EYS: variants seen among roughly 807,000 people sequenced by gnomAD.
The protein encoded by EYS is EGF-like photoreceptor maintenance factor.
In EYS, 250 loss-of-function variants were observed where a neutral mutation model predicts 282.1. That is an observed-to-expected ratio of 0.89 (90% CI 0.80 to 0.98). The LOEUF (loss-of-function observed/expected upper bound fraction) is 0.98. Among genes scored for constraint, EYS ranks in the 50% least tolerant of loss-of-function variants. The probability of loss-of-function intolerance (pLI) is 0.00; values close to 1 mark genes in which losing one functional copy is unlikely to be tolerated. For synonymous variants in EYS, 1,355 were observed against 1,282.9 expected, an observed-to-expected ratio of 1.06 and a Z score of -1.20; for missense variants, 4,016 against 3,709.0, an observed-to-expected ratio of 1.08 and a Z score of -2.15.
chr6:63,897,884 G>C (rs1232069002), intron 35 of EYS, among the ~76,000 whole-genome samples: 1 of 152,166 alleles, frequency 6.6e-6, no homozygotes, highest in Admixed American at 6.5e-5. Context: ...GGAGCCAGCA[G>C]AGATTGTAAA....
At chr6:64,922,580 G>A (rs1195254338) in intron 15 of EYS, among the ~76,000 whole-genome samples, 1 of 152,132 alleles carries the variant, frequency 6.6e-6, no homozygotes, top group Non-Finnish European at 1.5e-5. Context: ...TTAATAAAAT[G>A]AGAGGAATCC....
chr6:64,447,092 T>A (rs923725931), intron 26 of EYS, among the ~76,000 whole-genome samples: 1 of 152,018 alleles, frequency 6.6e-6, no homozygotes, highest in African/African-American at 2.4e-5. Flanking sequence ...TATTGAAAGA[T>A]TTACTATGCT....
At chr6:65,116,351 G>T (rs1250612439) in intron 12 of EYS, among the ~76,000 whole-genome samples, 3 of 152,092 alleles carry the variant, frequency 2.0e-5, no homozygotes, top group Non-Finnish European at 4.4e-5. Flanking sequence ...TAGTACTCTG[G>T]AAAGTGAGGC....
intron 2 of EYS, among the ~76,000 whole-genome samples, chr6:65,564,727 G>A (rs114049063): frequency 0.036 from 5,487 of 151,916 alleles, 264 homozygotes; most frequent in African/African-American, 0.11. Flanking sequence ...AAGACTTCAC[G>A]ACTTTTAAAA....
intron 24 of EYS, among the ~76,000 whole-genome samples, chr6:64,603,794 T>C (rs1340070812): frequency 2.0e-5 from 3 of 150,778 alleles, no homozygotes; most frequent in African/African-American, 7.3e-5. Context: ...ATTATATAGA[T>C]AGTACTACAG....
At chr6:64,748,815 C>T (rs1772643634) in intron 22 of EYS, among the ~76,000 whole-genome samples, 1 of 152,178 alleles carries the variant, frequency 6.6e-6, no homozygotes, top group South Asian at 2.1e-4. Context: ...CTCTGTTGCC[C>T]AGGCTGGAGT....
intron 2 of EYS, among the ~76,000 whole-genome samples, chr6:65,530,252 G>C (rs1157626022): frequency 6.6e-6 from 1 of 152,112 alleles, no homozygotes; most frequent in South Asian, 2.1e-4. Flanking sequence ...GAAACTTCTA[G>C]AGAGAGCAAT....
At chr6:65,176,705 A>G (rs1350931674) in intron 12 of EYS, among the ~76,000 whole-genome samples, 1 of 151,688 alleles carries the variant, frequency 6.6e-6, no homozygotes, top group Non-Finnish European at 1.5e-5. Flanking sequence ...TTGTCTATAA[A>G]TTAGAGATAG....
At position 65,002,584 on chromosome 6, in the gene EYS, A is replaced by G. The variant is rs917826231; in HGVS notation, c.2138-4881T>C. ...TTTTATTTGCACAGCACTTGTTTTG[A>G]GAAACAAATTTAAAATTTGAGTTAA... On this transcript the variant is annotated intron_variant, in intron 13 of 42. Coordinates refer to ENST00000503581, the MANE Select transcript of EYS (RefSeq NM_001142800.2). Among the ~76,000 whole-genome samples the G allele has an allele frequency of 1.0e-4, 15 of 147,806 alleles. 2 individuals are homozygous for G. Among genetic ancestry groups the G allele is most frequent in the Non-Finnish European group, 3.0e-5 (2 of 66,042 alleles).
intron 2 of EYS, among the ~76,000 whole-genome samples, chr6:65,605,313 A>G (rs1765748421): frequency 6.8e-6 from 1 of 146,574 alleles, no homozygotes; most frequent in South Asian, 2.2e-4. Context: ...AAAATAATGC[A>G]TAACTTCATT....
chr6:64,956,173 A>G (rs760728080), intron 14 of EYS, among the ~76,000 whole-genome samples: 36 of 152,224 alleles, frequency 2.4e-4, no homozygotes, highest in Non-Finnish European at 4.4e-4. Context: ...GGAAATAATT[A>G]CATTACTTGA....
chr6:63,839,047 TATC>T (rs1316458069), intron 36 of EYS, among the ~76,000 whole-genome samples: 1 of 152,204 alleles, frequency 6.6e-6, no homozygotes, highest in African/African-American at 2.4e-5. Context: ...GTTTAACATT[TATC>T]ATTTCTTTCT....
intron 14 of EYS, among the ~76,000 whole-genome samples, chr6:64,989,222 C>T (rs1319630337): frequency 6.7e-6 from 1 of 150,338 alleles, no homozygotes; most frequent in Non-Finnish European, 1.5e-5. Flanking sequence ...GAGGCCAAAG[C>T]TATTTATCCC....
intron 29 of EYS, among the ~76,000 whole-genome samples, chr6:64,360,028 A>T (rs1041204058): frequency 2.6e-5 from 4 of 151,744 alleles, no homozygotes; most frequent in Non-Finnish European, 5.9e-5. Flanking sequence ...AAGTTTCTTC[A>T]TAATATGGGC....
rs1254719455 is a variant in EYS, at chr6:64,158,129, G to C, written c.6424+72463C>G. On this transcript the variant is annotated intron_variant, in intron 31 of 42. Coordinates refer to ENST00000503581, the MANE Select transcript of EYS (RefSeq NM_001142800.2). Reference sequence around the variant, plus strand: ...GGATGTGAGACCTGAAATCAAAGGAGATCATTTGGGGCTTATTTCTGCACA... The same window carrying C: ...GGATGTGAGACCTGAAATCAAAGGACATCATTTGGGGCTTATTTCTGCACA... Among the ~76,000 whole-genome samples the C allele has an allele frequency of 3.3e-5, 5 of 152,306 alleles. No individual in the cohort carries two copies. The East Asian group carries it at 9.7e-4, about 29-fold the overall frequency.
chr6:64,519,387 G>C (rs985697694), intron 26 of EYS, among the ~76,000 whole-genome samples: 9 of 151,798 alleles, frequency 5.9e-5, no homozygotes, highest in Non-Finnish European at 1.0e-4. Flanking sequence ...AGATTTGCCT[G>C]CTCCTAATTT....
chr6:65,434,513 G>C (rs898771306), intron 5 of EYS, among the ~76,000 whole-genome samples: 1 of 151,944 alleles, frequency 6.6e-6, no homozygotes, highest in African/African-American at 2.4e-5. Context: ...GCAGAGACGG[G>C]GTTTCACCAT....
At chr6:65,467,576 G>T (rs1219813842) in intron 5 of EYS, among the ~76,000 whole-genome samples, 2 of 151,726 alleles carry the variant, frequency 1.3e-5, no homozygotes, top group South Asian at 2.1e-4. Context: ...CTATCATAAT[G>T]AAGATTTAAA....
intron 30 of EYS, among the ~76,000 whole-genome samples, chr6:64,295,263 A>G (rs1053010120): frequency 4.2e-5 from 6 of 141,446 alleles, no homozygotes; most frequent in South Asian, 2.4e-4. Flanking sequence ...CAGCACACCA[A>G]CATGCACATG....
Sources: allele counts gnomAD v4.1 joint callset (sites outside exome capture counted in the v4.1 genomes callset), GRCh38; gene constraint gnomAD v4.1.1; transcripts MANE v1.5; gene names NCBI Gene and HGNC (gene_info 2026-07-23, HGNC 2026-07-21).